Variants in CFAP46 observed in about 807,000 individuals in gnomAD.
CFAP46 encodes the protein cilia and flagella associated protein 46.
A neutral mutation model predicts 325.7 loss-of-function variants in CFAP46; 245 were observed. The observed-to-expected ratio is 0.75, with a 90% CI of 0.68 to 0.84. The LOEUF (loss-of-function observed/expected upper bound fraction) is 0.84, where lower values mean the gene tolerates loss of function less well. Among genes scored for constraint, CFAP46 ranks in the 40% least tolerant of loss-of-function variants. The probability of loss-of-function intolerance (pLI) is 0.00; values close to 1 mark genes in which losing one functional copy is unlikely to be tolerated. For synonymous variants in CFAP46, 1,523 were observed against 1,495.9 expected (o/e 1.02, Z -0.42); for missense variants, 3,346 against 3,543.0 (o/e 0.94, Z 1.41).
intron 50 of CFAP46, among the ~76,000 whole-genome samples, chr10:132,822,494 CTGA>C (rs1204513480): frequency 1.0e-4 from 10 of 98,480 alleles, no homozygotes; most frequent in East Asian, 3.5e-4. Flanking sequence ...GCTGTGTGTG[CTGA>C]TGTGTGCTGT....
chr10:132,865,944 G>C, intron 35 of CFAP46, 81 bp downstream of exon 35: 1 of 1,309,946 alleles, frequency 7.6e-7, no homozygotes, highest in Non-Finnish European at 9.8e-7. Context: ...TACAGCCCAA[G>C]CTTCTGCCCG....
chr10:132,823,785 CTGA>C (rs1420218674), intron 50 of CFAP46, among the ~76,000 whole-genome samples: 60 of 127,062 alleles, frequency 4.7e-4, no homozygotes, highest in Non-Finnish European at 8.4e-4. Flanking sequence ...TGTGTGTGCA[CTGA>C]TGTGTGCTGT....
rs751174687 is a variant in CFAP46 at position 132,922,635 on chromosome 10, G to A, written c.1330C>T (p.Pro444Ser). ...QIEEDEDRLE[P>S]ATEHLRKAAR... ...GCTTTCCGGAGGTGCTCCGTGGCGGGCTCCAGCCGGTCCTCGTCCTCCTCG... is the reference window on the plus strand; with the variant it reads ...GCTTTCCGGAGGTGCTCCGTGGCGGACTCCAGCCGGTCCTCGTCCTCCTCG... Residue 444 changes from proline to serine, a missense_variant, in exon 12 of 58, where the codon CCC (proline) becomes TCC (serine). Coordinates refer to ENST00000368586, the MANE Select transcript of CFAP46 (RefSeq NM_001200049.3). The A allele has an allele frequency of 1.7e-4, 263 of 1,549,794 alleles. No homozygotes were observed. Among genetic ancestry groups the A allele is most frequent in the Middle Eastern group, 8.4e-4 (5 of 5,964 alleles).
intron 44 of CFAP46, 99 bp from the exon 45 acceptor site, chr10:132,837,013 G>GA: frequency 1.1e-6 from 1 of 949,184 alleles, no homozygotes; most frequent in Non-Finnish European, 1.7e-6. Flanking sequence ...GCAGAGCCAC[G>GA]GCGGGGGCTT....
chr10:132,925,898 G>A (rs969586084), intron 10 of CFAP46, among the ~76,000 whole-genome samples: 6 of 152,206 alleles, frequency 3.9e-5, no homozygotes, highest in South Asian at 2.1e-4. Flanking sequence ...GCGGAGCCTC[G>A]CACTGCCTGG....
intron 22 of CFAP46, among the ~76,000 whole-genome samples, chr10:132,904,351 G>A (rs1238666943): frequency 6.6e-6 from 1 of 152,126 alleles, no homozygotes. Context: ...GCACCCACCT[G>A]CGGTTGGTGG....
At chr10:132,871,399 AG>A (rs1848894142) in intron 32 of CFAP46, among the ~76,000 whole-genome samples, 4 of 152,258 alleles carry the variant, frequency 2.6e-5, no homozygotes, top group Non-Finnish European at 5.9e-5. Context: ...GCTGCCGCAG[AG>A]AGTGATTCTT....
intron 24 of CFAP46, among the ~76,000 whole-genome samples, chr10:132,897,876 C>T (rs994956625): frequency 4.6e-5 from 7 of 152,328 alleles, no homozygotes; most frequent in African/African-American, 1.4e-4. Context: ...CCAGAGGCCC[C>T]GACACAGCCT....
chr10:132,846,261 C>G lies in CFAP46; in HGVS notation c.6268-34G>C, dbSNP rs112615390. ...GAGCAGGGGAGGTGTACCAGGGGCC[C>G]GAGGCCTGGGCGGGGAGGCCTTGCA... is the stretch of plus-strand genomic sequence containing the variant. On this transcript the variant is annotated intron_variant, in intron 43 of 57. Coordinates refer to ENST00000368586, the MANE Select transcript of CFAP46 (RefSeq NM_001200049.3). The G allele has an allele frequency of 5.0e-6, 8 of 1,602,550 alleles. No homozygotes were observed. In the East Asian group the frequency reaches 1.3e-4, roughly 27 times the overall value.
intron 24 of CFAP46, among the ~76,000 whole-genome samples, chr10:132,897,795 C>T (rs1042860549): frequency 2.6e-5 from 4 of 152,224 alleles, no homozygotes; most frequent in African/African-American, 9.6e-5. Context: ...TTGCCTAGAC[C>T]ACACTGGATG....
chr10:132,941,640 G>C lies in CFAP46; in HGVS notation c.257C>G (p.Ala86Gly). The change falls in exon 3 of 58, where the codon GCG becomes GGG. Residue 86 changes from alanine to glycine, a missense_variant. By Grantham distance (60) the Ala-to-Gly change is moderately conservative. Coordinates refer to ENST00000368586, the MANE Select transcript of CFAP46 (RefSeq NM_001200049.3). Reference sequence around the variant, plus strand: ...ACACATCTGGGCCCTGCACAGGTGCGCTCGGCCCAGAAACTGGGTGATGGG... The same window carrying C: ...ACACATCTGGGCCCTGCACAGGTGCCCTCGGCCCAGAAACTGGGTGATGGG... ...KAPITQFLGRAHLCRAQMCAP... is the reference protein window; with the variant it reads ...KAPITQFLGRGHLCRAQMCAP... 1 of 1,613,980 alleles carries C rather than the reference G, an allele frequency of 6.2e-7. No homozygotes were observed. The highest frequency in any genetic ancestry group is 1.1e-5 in the South Asian group (1 of 91,084).
chr10:132,934,377 C>T (rs1303308978), intron 8 of CFAP46, among the ~76,000 whole-genome samples: 1 of 151,610 alleles, frequency 6.6e-6, no homozygotes, highest in Non-Finnish European at 1.5e-5. Context: ...AAACTCTCAA[C>T]AGTGCCTGGA....
At chr10:132,882,783 C>T (rs7912307) in intron 27 of CFAP46, among the ~76,000 whole-genome samples, 14,780 of 151,776 alleles carry the variant, frequency 0.097, 1,934 homozygotes, top group African/African-American at 0.3. Context: ...TTGGGAGCCA[C>T]GTGAAGGATG....
chr10:132,808,560 C>G lies in CFAP46; in HGVS notation c.8009G>C (p.Cys2670Ser). 1 of 1,612,922 alleles carries G rather than the reference C, an allele frequency of 6.2e-7. No homozygotes were observed. Among genetic ancestry groups the G allele is most frequent in the Non-Finnish European group, 8.5e-7 (1 of 1,179,922 alleles). The stretch of plus-strand genomic sequence containing the variant: ...GCCCCGACGCAGACCCCATGGCGCA[C>G]ACAGGCAGGCAGAGCTCGAGGTCCA... ...AAWTSSSACL[C>S]APWGLRRGWS... Residue 2670 changes from cysteine to serine, a missense_variant, in exon 58 of 58, where the codon TGT (cysteine) becomes TCT (serine). Physicochemically the swap from Cys to Ser is moderately radical, Grantham distance 112 (BLOSUM62 -1). Coordinates refer to ENST00000368586, the MANE Select transcript of CFAP46 (RefSeq NM_001200049.3). The surrounding 1 kb of genome is among the most constrained non-coding windows in gnomAD (Gnocchi z 6.8).
intron 50 of CFAP46, among the ~76,000 whole-genome samples, chr10:132,819,422 C>A (rs115680880): frequency 6.6e-6 from 1 of 152,294 alleles, no homozygotes; most frequent in African/African-American, 2.4e-5. Flanking sequence ...CCACAAAAGA[C>A]CCTGAATAAT....
intron 50 of CFAP46, among the ~76,000 whole-genome samples, chr10:132,821,502 C>CTG (rs1361666559): frequency 8.1e-6 from 1 of 123,992 alleles, no homozygotes; most frequent in African/African-American, 3.3e-5. Flanking sequence ...CTGATGTGTG[C>CTG]TGTGTGCGCT....
At chr10:132,896,721 A>G (rs1299827396) in intron 24 of CFAP46, among the ~76,000 whole-genome samples, 2 of 152,198 alleles carry the variant, frequency 1.3e-5, no homozygotes, top group Admixed American at 1.3e-4. Context: ...AATATATATA[A>G]TTTTAAAAAA....
At chr10:132,878,519 G>A (rs1036844131) in intron 29 of CFAP46, among the ~76,000 whole-genome samples, 1 of 152,182 alleles carries the variant, frequency 6.6e-6, no homozygotes, top group Non-Finnish European at 1.5e-5. Flanking sequence ...TGGGGGTCTG[G>A]GGCAGGCGTG....
chr10:132,877,031 G>A lies in CFAP46; in HGVS notation c.4213-70C>T, dbSNP rs150826481. On this transcript the variant is annotated intron_variant, in intron 30 of 57. Transcript: ENST00000368586. This position sits in a 1 kb window ranked among gnomAD's most constrained non-coding sequence, Gnocchi z 5.7. ...AAACAGCAGACACCCCCGGCCCACC[G>A]GCATGGCTGTGCAGCATTCAGGCCA... is the stretch of plus-strand genomic sequence containing the variant. 5.8e-5 allele frequency: 86 copies of A among 1,479,768 alleles called. No individual in the cohort carries two copies. Among genetic ancestry groups the A allele is most frequent in the East Asian group, 7.4e-5 (3 of 40,530 alleles). 91.7% of individuals were successfully genotyped at this position (1,479,768 alleles called of 1,614,324 possible).
Sources: allele counts gnomAD v4.1 joint callset (sites outside exome capture counted in the v4.1 genomes callset), GRCh38; gene constraint gnomAD v4.1.1; non-coding constraint Gnocchi (gnomAD v3.1); transcripts MANE v1.5; gene names NCBI Gene and HGNC (gene_info 2026-07-23, HGNC 2026-07-21).